NPAS3: variants seen among roughly 807,000 people sequenced by gnomAD.
The protein encoded by NPAS3 is neuronal PAS domain-containing protein 3.
Under a neutral mutation model 73.1 loss-of-function variants are expected in NPAS3, and 14 were observed. That is an observed-to-expected ratio of 0.19 (90% CI 0.13 to 0.30). The LOEUF (loss-of-function observed/expected upper bound fraction) is 0.30, where lower values mean the gene tolerates loss of function less well. Ranked by LOEUF, NPAS3 falls within the 10% of genes least tolerant of loss-of-function variation. The pLI is 1.00. For missense variants in NPAS3, 1,096 were observed against 1,250.0 expected (o/e 0.88, Z 1.86); for synonymous variants, 620 against 541.5 (o/e 1.14, Z -2.01).
intron 2 of NPAS3, among the ~76,000 whole-genome samples, chr14:33,164,762 C>T (rs1351385226): frequency 6.6e-6 from 1 of 151,890 alleles, no homozygotes; most frequent in Non-Finnish European, 1.5e-5. Context: ...TCCTGGGTAC[C>T]CAGAGCTAGT....
At chr14:33,772,483 G>A (rs566428832) in intron 7 of NPAS3, among the ~76,000 whole-genome samples, 19 of 152,290 alleles carry the variant, frequency 1.2e-4, no homozygotes, top group Middle Eastern at 3.4e-3. Flanking sequence ...CAACCCAGAC[G>A]CCTTTAAATT....
rs375763666 is a variant in NPAS3 at position 33,137,204 on chromosome 14, T to G, written c.141-77978T>G. On this transcript the variant is annotated intron_variant, in intron 2 of 11. Transcript: ENST00000356141. ...AATAAGAAACATAATTGAATTAACATGAGGACATTAAGTGATAAAATGAAT... is the reference window on the plus strand; with the variant it reads ...AATAAGAAACATAATTGAATTAACAGGAGGACATTAAGTGATAAAATGAAT... Among the ~76,000 whole-genome samples, 232 of 152,306 alleles carry G rather than the reference T, an allele frequency of 1.5e-3. 1 individual carries two copies. The highest frequency in any genetic ancestry group is 3.0e-3 in the African/African-American group (124 of 41,572).
chr14:33,385,379 G>C (rs1336804618), intron 4 of NPAS3, among the ~76,000 whole-genome samples: 1 of 152,122 alleles, frequency 6.6e-6, no homozygotes, highest in Non-Finnish European at 1.5e-5. Context: ...GAAACTTAGT[G>C]TATATAAATG....
chr14:33,006,622 G>GATT (rs1361242650), intron 1 of NPAS3, among the ~76,000 whole-genome samples: 1 of 152,080 alleles, frequency 6.6e-6, no homozygotes, highest in Non-Finnish European at 1.5e-5. Context: ...ATTGATCAGT[G>GATT]ATTATTATTA....
At chr14:33,298,036 C>T (rs2042373423) in intron 3 of NPAS3, among the ~76,000 whole-genome samples, 1 of 152,166 alleles carries the variant, frequency 6.6e-6, no homozygotes, top group African/African-American at 2.4e-5. Context: ...AATCCCAGCA[C>T]TTTGGGAGGC....
At chr14:33,084,068 T>C (rs1328322205) in intron 2 of NPAS3, among the ~76,000 whole-genome samples, 1 of 152,216 alleles carries the variant, frequency 6.6e-6, no homozygotes, top group Non-Finnish European at 1.5e-5. Context: ...TTAGAAACTT[T>C]AGTAAAAGTA....
intron 4 of NPAS3, among the ~76,000 whole-genome samples, chr14:33,475,502 G>A (rs1344878653): frequency 7.2e-6 from 1 of 139,408 alleles, no homozygotes; most frequent in East Asian, 2.2e-4. Context: ...CCTACTTTAA[G>A]TTTTTATGTG....
At chr14:33,622,635 C>T (rs1052937088) in intron 5 of NPAS3, among the ~76,000 whole-genome samples, 4 of 152,118 alleles carry the variant, frequency 2.6e-5, no homozygotes, top group Non-Finnish European at 4.4e-5. Flanking sequence ...CAAGTGTTGG[C>T]CTTAGTTATT....
At chr14:33,168,062 G>A (rs1044555613) in intron 2 of NPAS3, among the ~76,000 whole-genome samples, 54 of 152,110 alleles carry the variant, frequency 3.6e-4, no homozygotes, top group African/African-American at 1.1e-3. Context: ...TTCCTTATGT[G>A]TTACTTTCTT....
At chr14:33,767,811 T>C (rs2062514067) in intron 7 of NPAS3, among the ~76,000 whole-genome samples, 1 of 152,202 alleles carries the variant, frequency 6.6e-6, no homozygotes, top group African/African-American at 2.4e-5. Flanking sequence ...GGACTTTCTT[T>C]CCTCAAGTAT....
intron 3 of NPAS3, among the ~76,000 whole-genome samples, chr14:33,249,879 T>C (rs186522925): frequency 1.3e-4 from 19 of 151,808 alleles, no homozygotes; most frequent in African/African-American, 1.2e-4. Context: ...GTCCCTCTAT[T>C]GTAACGCGTT....
At chr14:33,670,695 A>AT (rs1259803766) in intron 5 of NPAS3, among the ~76,000 whole-genome samples, 2 of 151,192 alleles carry the variant, frequency 1.3e-5, no homozygotes, top group African/African-American at 2.4e-5. Context: ...CTGGCTCAGG[A>AT]TTTTCTAACC....
chr14:33,075,468 A>G (rs1402682197), intron 2 of NPAS3, among the ~76,000 whole-genome samples: 1 of 152,236 alleles, frequency 6.6e-6, no homozygotes, highest in African/African-American at 2.4e-5. Context: ...AGTCCTACAT[A>G]TGCTGCGTTT....
intron 6 of NPAS3, among the ~76,000 whole-genome samples, chr14:33,716,036 C>A (rs1400035301): frequency 6.6e-6 from 1 of 152,176 alleles, no homozygotes; most frequent in Non-Finnish European, 1.5e-5. Context: ...ATTACCCAGT[C>A]TTGGGTGTGT....
chr14:33,505,838 GCTTC>G (rs1301270803), intron 4 of NPAS3, among the ~76,000 whole-genome samples: 1 of 151,936 alleles, frequency 6.6e-6, no homozygotes, highest in Non-Finnish European at 1.5e-5. Context: ...TTCCCAGGCT[GCTTC>G]TCTGACTTCA....
chr14:33,010,806 G>T (rs2039161956), intron 1 of NPAS3, among the ~76,000 whole-genome samples: 1 of 151,892 alleles, frequency 6.6e-6, no homozygotes, highest in Non-Finnish European at 1.5e-5. Context: ...GTAGTGGCAT[G>T]CACCTGTAGT....
chr14:33,581,309 C>G (rs922199369), intron 5 of NPAS3, among the ~76,000 whole-genome samples: 9 of 152,132 alleles, frequency 5.9e-5, no homozygotes, highest in African/African-American at 2.2e-4. Flanking sequence ...TATCATACTT[C>G]ATATGGGCAG....
chr14:33,636,021 C>T (rs543946992), intron 5 of NPAS3, among the ~76,000 whole-genome samples: 20 of 152,274 alleles, frequency 1.3e-4, no homozygotes, highest in Admixed American at 1.1e-3. Context: ...CTCCGCCTCC[C>T]AGCGATTCTC....
At chr14:33,327,487 G>C (rs765653421) in intron 3 of NPAS3, among the ~76,000 whole-genome samples, 8 of 152,138 alleles carry the variant, frequency 5.3e-5, no homozygotes, top group Non-Finnish European at 1.2e-4. Flanking sequence ...CACAGGAAGT[G>C]GTCTGTTCCT....
Sources: allele counts gnomAD v4.1 joint callset (sites outside exome capture counted in the v4.1 genomes callset), GRCh38; gene constraint gnomAD v4.1.1; transcripts MANE v1.5; gene names NCBI Gene and HGNC (gene_info 2026-07-23, HGNC 2026-07-21).